The following XRCC4 variants were observed in gnomAD, a reference collection of about 807,000 sequenced individuals.
The protein encoded by XRCC4 is DNA repair protein XRCC4.
A neutral mutation model predicts 39.1 loss-of-function variants in XRCC4; 28 were observed. That is an observed-to-expected ratio of 0.72 (90% CI 0.53 to 0.98). The LOEUF is 0.98. Ranked by LOEUF, XRCC4 falls within the 50% of genes least tolerant of loss-of-function variation. The pLI is 0.00. For missense variants in XRCC4, 350 were observed against 376.4 expected (o/e 0.93, Z 0.58); for synonymous variants, 123 against 126.4 (o/e 0.97, Z 0.18).
At chr5:83,366,160 C>A in the XRCC4 span, among the ~76,000 whole-genome samples, 1 of 152,134 alleles carries the variant, frequency 6.6e-6, no homozygotes, top group African/African-American at 2.4e-5. Flanking sequence ...ATGAATAATT[C>A]TAGACTTCAA....
intron 6 of XRCC4, among the ~76,000 whole-genome samples, chr5:83,220,808 A>C (rs1214982612): frequency 6.6e-6 from 1 of 152,222 alleles, no homozygotes; most frequent in Non-Finnish European, 1.5e-5. Flanking sequence ...TGATGGTCAC[A>C]TTGCTTTTCG....
chr5:83,237,814 CTT>C (rs961778013), intron 6 of XRCC4, among the ~76,000 whole-genome samples: 1 of 151,570 alleles, frequency 6.6e-6, no homozygotes, highest in South Asian at 2.1e-4. Flanking sequence ...ATTGTGTGCT[CTT>C]TTTTTTACAA....
chr5:83,288,985 G>C (rs1008585227), intron 7 of XRCC4, among the ~76,000 whole-genome samples: 10 of 150,878 alleles, frequency 6.6e-5, no homozygotes, highest in African/African-American at 9.7e-5. Flanking sequence ...ATCTCTTTCA[G>C]TTTATATCAT....
At chr5:83,104,462 G>C (rs1561328061) in intron 1 of XRCC4, among the ~76,000 whole-genome samples, 2 of 152,088 alleles carry the variant, frequency 1.3e-5, no homozygotes, top group Non-Finnish European at 2.9e-5. Flanking sequence ...AATTTACTCA[G>C]CATATTGTTG....
At chr5:83,215,966 T>A (rs1476957046) in intron 6 of XRCC4, among the ~76,000 whole-genome samples, 1 of 151,814 alleles carries the variant, frequency 6.6e-6, no homozygotes, top group Non-Finnish European at 1.5e-5. Context: ...TAAATTGGAT[T>A]TCGTCAAAAT....
At chr5:83,126,428 GT>G (rs1747268675) in intron 3 of XRCC4, among the ~76,000 whole-genome samples, 1 of 151,972 alleles carries the variant, frequency 6.6e-6, no homozygotes, top group African/African-American at 2.4e-5. Context: ...TGTTATTGTT[GT>G]TTGCTTTTAA....
rs1211981128 is a variant in XRCC4 at position 83,186,945 on chromosome 5, T to C, written c.316-8825T>C. On this transcript the variant is annotated intron_variant, in intron 3 of 7. Coordinates refer to ENST00000396027, the MANE Select transcript of XRCC4 (RefSeq NM_003401.5). ...GGCTCATGGCCTGCTTCTTCCATTT[T>C]TTTTTTTTTTTTTTTTGAGACGGAG... 3.3e-5 allele frequency among the ~76,000 whole-genome samples: 3 copies of C among 91,828 alleles called. 1 individual carries two copies. The highest frequency in any genetic ancestry group is 1.1e-4 in the African/African-American group (2 of 17,848). The allele number at this position is 91,828 out of a possible 152,430, so 60.2% of individuals were successfully genotyped here.
intron 5 of XRCC4, 150 bp downstream of exon 5, chr5:83,203,857 A>G (rs2112729637): frequency 1.1e-6 from 1 of 889,108 alleles, no homozygotes; most frequent in Non-Finnish European, 1.7e-6. Flanking sequence ...AGATAGGGGT[A>G]CCATGGGCTA....
At chr5:83,270,893 C>A (rs1248229294) in intron 7 of XRCC4, among the ~76,000 whole-genome samples, 1 of 151,654 alleles carries the variant, frequency 6.6e-6, no homozygotes, top group African/African-American at 2.4e-5. Context: ...TCAAGCGATT[C>A]TCCTGCCTCA....
chr5:83,121,300 G>C (rs1746998431), intron 3 of XRCC4, among the ~76,000 whole-genome samples: 1 of 152,118 alleles, frequency 6.6e-6, no homozygotes, highest in South Asian at 2.1e-4. Flanking sequence ...ATATATAGGA[G>C]TAGAATAGTT....
intron 7 of XRCC4, among the ~76,000 whole-genome samples, chr5:83,350,905 C>A (rs978286610): frequency 2.6e-5 from 4 of 152,044 alleles, no homozygotes; most frequent in African/African-American, 9.7e-5. Flanking sequence ...TGAAATCTTA[C>A]ATTTAAATTT....
rs3777030 is a variant in XRCC4 at position 83,285,193 on chromosome 5, A to G, written c.893+26516A>G. 2.9e-3 allele frequency among the ~76,000 whole-genome samples: 440 copies of G among 152,316 alleles called. 12 individuals carry two copies. In the East Asian group the frequency reaches 0.072, roughly 25 times the overall value. On this transcript the variant is annotated intron_variant, in intron 7 of 7. Transcript: ENST00000396027. The stretch of plus-strand genomic sequence containing the variant: ...GTACATATGTTCTAAAGCAAATAAT[A>G]TAAACAAAAAATACCAAATATTTTC...
At chr5:83,367,619 TACAC>T in the XRCC4 span, among the ~76,000 whole-genome samples, 1 of 152,130 alleles carries the variant, frequency 6.6e-6, no homozygotes, top group Non-Finnish European at 1.5e-5. Flanking sequence ...AAACTTGACA[TACAC>T]ACAGCACAGT....
At chr5:83,271,710 C>T (rs1362575650) in intron 7 of XRCC4, among the ~76,000 whole-genome samples, 1 of 151,886 alleles carries the variant, frequency 6.6e-6, no homozygotes, top group Non-Finnish European at 1.5e-5. Context: ...CTCTCTATTC[C>T]CCTCTCCTAC....
intron 7 of XRCC4, among the ~76,000 whole-genome samples, chr5:83,351,927 G>A (rs923842378): frequency 2.0e-5 from 3 of 152,154 alleles, no homozygotes; most frequent in African/African-American, 7.2e-5. Flanking sequence ...ATTCTTCTCT[G>A]CTGTTAACGA....
At chr5:83,303,688 A>G (rs1449735297) in intron 7 of XRCC4, among the ~76,000 whole-genome samples, 2 of 152,202 alleles carry the variant, frequency 1.3e-5, no homozygotes, top group African/African-American at 4.8e-5. Context: ...AAAAATACAA[A>G]TAATACAACA....
At chr5:83,167,857 A>G (rs1015220804) in intron 3 of XRCC4, among the ~76,000 whole-genome samples, 2 of 152,246 alleles carry the variant, frequency 1.3e-5, no homozygotes, top group South Asian at 2.1e-4. Context: ...CTCCAGCCAC[A>G]TGAATTAACA....
chr5:83,333,024 G>A (rs904214123), intron 7 of XRCC4, among the ~76,000 whole-genome samples: 2 of 152,056 alleles, frequency 1.3e-5, no homozygotes, highest in Admixed American at 1.3e-4. Flanking sequence ...TTTGGCCTAA[G>A]GAGAACATTT....
At chr5:83,132,043 G>T (rs1439118256) in intron 3 of XRCC4, among the ~76,000 whole-genome samples, 1 of 152,098 alleles carries the variant, frequency 6.6e-6, no homozygotes. Flanking sequence ...CACGTTTGGG[G>T]CTTCCTTCAG....
Sources: gnomAD v4.1 joint callset for allele counts (sites outside exome capture counted in the v4.1 genomes callset) on GRCh38, gnomAD v4.1.1 for gene constraint, MANE v1.5 for transcripts, NCBI Gene and HGNC (gene_info 2026-07-23, HGNC 2026-07-21) for gene names.